The following PAM variants were observed in gnomAD, a reference collection of about 807,000 sequenced individuals.
The protein encoded by PAM is peptidylglycine alpha-amidating monooxygenase.
PAM carries 72 observed loss-of-function variants against 122.1 expected under a neutral mutation model. The ratio of observed to expected loss-of-function variants is 0.59; its 90% CI spans 0.49 to 0.72. The LOEUF (loss-of-function observed/expected upper bound fraction) is 0.72, where lower values mean the gene tolerates loss of function less well. Ranked by LOEUF, PAM falls within the 30% of genes least tolerant of loss-of-function variation. The probability of loss-of-function intolerance (pLI) is 0.00; values close to 1 mark genes in which losing one functional copy is unlikely to be tolerated. For missense variants in PAM, 1,106 were observed against 1,183.7 expected, an observed-to-expected ratio of 0.93 and a Z score of 0.96; for synonymous variants, 389 against 404.4, an observed-to-expected ratio of 0.96 and a Z score of 0.46.
In PAM at chr5:102,889,925, T is replaced by C. The variant is rs111804575; in HGVS notation, c.211-11431T>C. Among the ~76,000 whole-genome samples the C allele has an allele frequency of 2.5e-3, 380 of 152,110 alleles. 3 individuals carry two copies. Among genetic ancestry groups the C allele is most frequent in the African/African-American group, 8.5e-3 (353 of 41,552 alleles). Reference sequence around the variant, plus strand: ...CCATTTCCTAATGGCAGACTTTGTCTCATCCATTAGATTCTAAAGTTTCTG... The same window carrying C: ...CCATTTCCTAATGGCAGACTTTGTCCCATCCATTAGATTCTAAAGTTTCTG... On this transcript the variant is annotated intron_variant, in intron 3 of 25. Coordinates refer to ENST00000438793, the MANE Select transcript of PAM (RefSeq NM_001177306.2).
intron 15 of PAM, among the ~76,000 whole-genome samples, chr5:102,988,512 T>G (rs557650178): frequency 1.3e-5 from 2 of 152,030 alleles, no homozygotes; most frequent in Non-Finnish European, 2.9e-5. Flanking sequence ...TTCCTTTGCG[T>G]TCCCAGATTC....
intron 1 of PAM, among the ~76,000 whole-genome samples, chr5:102,801,820 C>T (rs1044907342): frequency 6.9e-6 from 1 of 144,668 alleles, no homozygotes; most frequent in Non-Finnish European, 1.5e-5. Flanking sequence ...GCTCTGTCGC[C>T]CAGGCTGGAG....
At chr5:102,927,444 C>T (rs1287910694) in intron 7 of PAM, among the ~76,000 whole-genome samples, 1 of 152,112 alleles carries the variant, frequency 6.6e-6, no homozygotes, top group Non-Finnish European at 1.5e-5. Context: ...GTCTTGCTGA[C>T]TTATATATAT....
intron 21 of PAM, among the ~76,000 whole-genome samples, chr5:103,011,021 TATTC>T (rs1780435084): frequency 6.6e-6 from 1 of 152,218 alleles, no homozygotes; most frequent in African/African-American, 2.4e-5. Flanking sequence ...TACTAGGTCT[TATTC>T]ATTCTGATTT....
chr5:102,968,292 C>T (rs768369490), intron 14 of PAM, among the ~76,000 whole-genome samples: 6 of 152,016 alleles, frequency 3.9e-5, no homozygotes, highest in Admixed American at 2.0e-4. Context: ...GACAGGGAAA[C>T]CTGAATCCAG....
chr5:103,022,813 T>C (rs1437150706), intron 23 of PAM, among the ~76,000 whole-genome samples: 1 of 152,112 alleles, frequency 6.6e-6, no homozygotes, highest in Non-Finnish European at 1.5e-5. Context: ...AGTGGCAGAA[T>C]TTGGATTATT....
intron 14 of PAM, among the ~76,000 whole-genome samples, chr5:102,972,581 C>T (rs943655362): frequency 2.0e-5 from 3 of 152,110 alleles, no homozygotes; most frequent in African/African-American, 7.2e-5. Context: ...CACTCCCAGC[C>T]TCAAGTTTTT....
chr5:102,809,310 G>A (rs1378721932), intron 1 of PAM, among the ~76,000 whole-genome samples: 3 of 146,812 alleles, frequency 2.0e-5, no homozygotes, highest in African/African-American at 7.7e-5. Flanking sequence ...TTGAGCCCAG[G>A]AGACCAGCCT....
rs533434393 is a variant in PAM at position 102,821,346 on chromosome 5, GT to G, written c.-373-44475del. 4.8e-3 allele frequency among the ~76,000 whole-genome samples: 726 copies of G among 152,258 alleles called. 3 individuals are homozygous for G. Among genetic ancestry groups the G allele is most frequent in the African/African-American group, 0.016 (672 of 41,556 alleles). ...AGTGGAAGTTCAGAGAAAGGAGAAC[GT>G]TCCCCACTTCAGAGGTATGTCTAAG... On this transcript the variant is annotated intron_variant, in intron 1 of 25. Coordinates refer to ENST00000438793, the MANE Select transcript of PAM (RefSeq NM_001177306.2).
At chr5:102,889,058 T>A (rs1794002968) in intron 3 of PAM, among the ~76,000 whole-genome samples, 1 of 151,972 alleles carries the variant, frequency 6.6e-6, no homozygotes. Context: ...TTTAAAATAC[T>A]AAGAACTGCC....
intron 3 of PAM, among the ~76,000 whole-genome samples, chr5:102,874,852 A>G (rs1415882431): frequency 6.6e-6 from 1 of 152,152 alleles, no homozygotes; most frequent in East Asian, 1.9e-4. Flanking sequence ...TTCCCATAAA[A>G]AGTCTGTGTT....
intron 17 of PAM, among the ~76,000 whole-genome samples, chr5:103,003,421 TA>T (rs1442900209): frequency 6.6e-6 from 1 of 152,198 alleles, no homozygotes; most frequent in Non-Finnish European, 1.5e-5. Context: ...GGTCCTTGCC[TA>T]TTTCATAATT....
At position 102,974,341 on chromosome 5, in the gene PAM, G is replaced by C; in HGVS notation, c.1388G>C (p.Arg463Thr). Residue 463 changes from arginine to threonine, a missense_variant, in exon 15 of 26, where the codon AGA (arginine) becomes ACA (threonine). Transcript: ENST00000438793. Reference sequence around the variant, plus strand: ...AGAGACAGAATTCACAAATTCCACAGACTAGTATCTACCTTGAGGCCACCA... The same window carrying C: ...AGAGACAGAATTCACAAATTCCACACACTAGTATCTACCTTGAGGCCACCA... Reference protein sequence around the residue: ...LVRDRIHKFHRLVSTLRPPES... With the variant: ...LVRDRIHKFHTLVSTLRPPES... 1 of 1,613,978 alleles carries C rather than the reference G, an allele frequency of 6.2e-7. No individual in the cohort carries two copies. Among genetic ancestry groups the C allele is most frequent in the South Asian group, 1.1e-5 (1 of 91,076 alleles).
intron 3 of PAM, among the ~76,000 whole-genome samples, chr5:102,873,047 A>C (rs775942437): frequency 1.3e-5 from 2 of 152,086 alleles, no homozygotes; most frequent in Non-Finnish European, 2.9e-5. Flanking sequence ...GCAAACCTAC[A>C]TATGTACTCC....
intron 21 of PAM, among the ~76,000 whole-genome samples, chr5:103,012,445 G>A (rs1441690913): frequency 6.6e-6 from 1 of 152,316 alleles, no homozygotes. Flanking sequence ...TTTGTGTAAA[G>A]TGAGAGATAG....
chr5:102,900,254 T>TGGG (rs140960589), intron 3 of PAM, among the ~76,000 whole-genome samples: 19 of 26,996 alleles, frequency 7.0e-4, no homozygotes, highest in African/African-American at 2.6e-3. Context: ...TGTGTGTGTG[T>TGGG]GGGGGGGGGG....
At position 102,926,483 on chromosome 5, in the gene PAM, G is replaced by A; in HGVS notation, c.443-102G>A. On this transcript the variant is annotated intron_variant, in intron 6 of 25. Transcript: ENST00000438793. The stretch of plus-strand genomic sequence containing the variant: ...GTTTTCATATAATATAATTTTATAT[G>A]TTATATGTTATTTCCCTTTGGAGTT... The A allele has an allele frequency of 8.6e-6, 6 of 700,098 alleles. No homozygotes were observed. The South Asian group carries it at 9.7e-5, about 11-fold the overall frequency. The allele number at this position is 700,098 out of a possible 1,614,324, so 43.4% of individuals were successfully genotyped here.
intron 21 of PAM, among the ~76,000 whole-genome samples, chr5:103,011,894 C>T (rs1197141195): frequency 6.6e-6 from 1 of 152,164 alleles, no homozygotes. Flanking sequence ...TACAAGGGTT[C>T]CCTTTTCTCC....
At chr5:102,830,454 T>C (rs1413602494) in intron 1 of PAM, among the ~76,000 whole-genome samples, 1 of 152,188 alleles carries the variant, frequency 6.6e-6, no homozygotes, top group Non-Finnish European at 1.5e-5. Context: ...TCATTGTTTA[T>C]TGAGCTTTTC....
Sources: gnomAD v4.1 joint callset for allele counts (sites outside exome capture counted in the v4.1 genomes callset) on GRCh38, gnomAD v4.1.1 for gene constraint, MANE v1.5 for transcripts, NCBI Gene and HGNC (gene_info 2026-07-23, HGNC 2026-07-21) for gene names.